ATG7: variants seen among roughly 807,000 people sequenced by gnomAD.
ATG7 encodes the protein ubiquitin-like modifier-activating enzyme ATG7.
ATG7 carries 70 observed loss-of-function variants against 82.4 expected under a neutral mutation model. The observed-to-expected ratio is 0.85, with a 90% confidence interval of 0.70 to 1.04. The LOEUF (loss-of-function observed/expected upper bound fraction) is 1.04, where lower values mean the gene tolerates loss of function less well. Ranked by LOEUF, ATG7 falls within the 50% of genes least tolerant of loss-of-function variation. The pLI, the probability that ATG7 is intolerant of heterozygous loss-of-function variation, is 0.00. For synonymous variants in ATG7, 287 were observed against 313.0 expected (o/e 0.92, Z 0.88); for missense variants, 792 against 864.3 (o/e 0.92, Z 1.05).
At chr3:11,402,022 T>G (rs887785824) in intron 19 of ATG7, among the ~76,000 whole-genome samples, 13 of 151,832 alleles carry the variant, frequency 8.6e-5, no homozygotes, top group African/African-American at 2.7e-4. Flanking sequence ...ACTTGGTGGG[T>G]TTTTTTTCAC....
intron 3 of ATG7, among the ~76,000 whole-genome samples, chr3:11,283,092 A>G (rs1196216286): frequency 6.6e-6 from 1 of 152,186 alleles, no homozygotes; most frequent in Non-Finnish European, 1.5e-5. Flanking sequence ...ATGGCCCCAC[A>G]TGGGCTCAGA....
intron 19 of ATG7, among the ~76,000 whole-genome samples, chr3:11,395,978 A>G (rs2079229166): frequency 2.1e-5 from 3 of 142,490 alleles, no homozygotes; most frequent in African/African-American, 5.2e-5. Context: ...TAGGGGGGGA[A>G]GAGTAAAAGT....
At chr3:11,426,973 A>T in intron 20 of ATG7, 47 bp downstream of exon 20, 1 of 1,508,616 alleles carries the variant, frequency 6.6e-7, no homozygotes, top group South Asian at 1.3e-5. Context: ...CATGCTTAAA[A>T]CTATTTGATA....
At chr3:11,355,356 A>G (rs953522641) in intron 14 of ATG7, among the ~76,000 whole-genome samples, 7 of 152,230 alleles carry the variant, frequency 4.6e-5, no homozygotes, top group African/African-American at 1.7e-4. Context: ...CCTAGTAAAT[A>G]CTATGAACAA....
intron 20 of ATG7, among the ~76,000 whole-genome samples, chr3:11,479,362 A>G (rs1024339772): frequency 6.6e-6 from 1 of 152,214 alleles, no homozygotes; most frequent in Non-Finnish European, 1.5e-5. Context: ...CCGTGGCAAT[A>G]AAGTATTTTC....
chr3:11,380,410 G>C (rs1011652718), intron 19 of ATG7, among the ~76,000 whole-genome samples: 4 of 152,200 alleles, frequency 2.6e-5, no homozygotes, highest in African/African-American at 4.8e-5. Context: ...GTTACTCTGA[G>C]GGTGAGGCGG....
intron 20 of ATG7, among the ~76,000 whole-genome samples, chr3:11,524,177 T>C (rs527451887): frequency 1.3e-5 from 2 of 152,324 alleles, no homozygotes; most frequent in South Asian, 2.1e-4. Flanking sequence ...TTTCCTCTGA[T>C]TGTCTACCTG....
chr3:11,523,139 T>C (rs2092484859), intron 20 of ATG7, among the ~76,000 whole-genome samples: 1 of 152,238 alleles, frequency 6.6e-6, no homozygotes, highest in Non-Finnish European at 1.5e-5. Context: ...AAGTCATCCC[T>C]GAGAACATCC....
At chr3:11,480,220 C>T (rs997541686) in intron 20 of ATG7, among the ~76,000 whole-genome samples, 1 of 152,056 alleles carries the variant, frequency 6.6e-6, no homozygotes, top group African/African-American at 2.4e-5. Context: ...CATGAGCCAC[C>T]GCACCCGGCC....
rs1314148686 is a variant in ATG7, at chr3:11,556,750, G to GT, written c.*1908dup. On this transcript the variant is annotated 3_prime_UTR_variant, in exon 21 of 21. Coordinates refer to ENST00000693202, the MANE Select transcript of ATG7 (RefSeq NM_001349232.2). ...TCTCTGTACATTCTTTACGCACAGC[G>GT]TAACGATGGTCTCAAAATCACCCAT... The GT allele has an allele frequency of 2.6e-5, 4 of 152,622 alleles. No homozygotes were observed. Among genetic ancestry groups the GT allele is most frequent in the Non-Finnish European group, 4.4e-5 (3 of 68,038 alleles). The allele number at this position is 152,622 out of a possible 1,614,324, so 9.5% of individuals were successfully genotyped here.
At chr3:11,439,224 A>ACGCCCGG (rs1259352029) in intron 20 of ATG7, among the ~76,000 whole-genome samples, 5 of 151,184 alleles carry the variant, frequency 3.3e-5, no homozygotes, top group African/African-American at 1.2e-4. Context: ...GCCCACCACC[A>ACGCCCGG]CGCCCGGCTA....
chr3:11,283,685 C>G (rs1423188943), intron 3 of ATG7, among the ~76,000 whole-genome samples: 1 of 152,172 alleles, frequency 6.6e-6, no homozygotes, highest in Non-Finnish European at 1.5e-5. Context: ...GCCTAGTAAT[C>G]CTAGCACTTT....
chr3:11,341,123 G>A (rs1316109578), intron 12 of ATG7, among the ~76,000 whole-genome samples: 6 of 149,830 alleles, frequency 4.0e-5, no homozygotes, highest in Non-Finnish European at 5.9e-5. Flanking sequence ...ATACAATGGC[G>A]CAATCTCTGC....
At chr3:11,276,938 A>G (rs1575096231) in intron 1 of ATG7, among the ~76,000 whole-genome samples, 2 of 152,040 alleles carry the variant, frequency 1.3e-5, no homozygotes, top group Admixed American at 6.6e-5. Context: ...TTCCCTTTGA[A>G]CCTGCCGTTC....
intron 14 of ATG7, among the ~76,000 whole-genome samples, chr3:11,352,756 T>C (rs1010971539): frequency 1.3e-5 from 2 of 152,208 alleles, no homozygotes; most frequent in Non-Finnish European, 2.9e-5. Context: ...TCAGGAAATA[T>C]AGAAGAGCAG....
intron 20 of ATG7, among the ~76,000 whole-genome samples, chr3:11,495,726 C>T (rs920143016): frequency 3.3e-5 from 5 of 152,274 alleles, no homozygotes; most frequent in African/African-American, 7.2e-5. Context: ...TTCTAACAGC[C>T]GTGGATATCA....
intron 20 of ATG7, among the ~76,000 whole-genome samples, chr3:11,487,036 C>CTTAACGAGCATGCTGCCT (rs2089762160): frequency 6.6e-6 from 1 of 151,428 alleles, no homozygotes; most frequent in African/African-American, 2.4e-5. Context: ...GGTGATGACT[C>CTTAACGAGCATGCTGCCT]TTAACGAGCA....
chr3:11,330,198 A>T (rs2595000), intron 9 of ATG7, among the ~76,000 whole-genome samples: 152,338 of 152,338 alleles, frequency 1, 76,169 homozygotes, highest in Non-Finnish European at 1. Context: ...CACTGTAAAA[A>T]TACTATTTTT....
At chr3:11,382,006 T>C (rs1194324228) in intron 19 of ATG7, among the ~76,000 whole-genome samples, 2 of 152,242 alleles carry the variant, frequency 1.3e-5, no homozygotes, top group African/African-American at 4.8e-5. Context: ...TAATACATGT[T>C]ATACAGAGTC....
Sources: allele counts gnomAD v4.1 joint callset (sites outside exome capture counted in the v4.1 genomes callset), GRCh38; gene constraint gnomAD v4.1.1; transcripts MANE v1.5; gene names NCBI Gene and HGNC (gene_info 2026-07-23, HGNC 2026-07-21).